Variants in TTC28 observed in about 807,000 individuals in gnomAD.
TTC28 encodes the protein tetratricopeptide repeat domain 28.
In TTC28, 61 loss-of-function variants were observed where a neutral mutation model predicts 198.0. The observed-to-expected ratio is 0.31, with a 90% CI of 0.25 to 0.38. TTC28 has a LOEUF of 0.38. Ranked by LOEUF, TTC28 falls within the 10% of genes least tolerant of loss-of-function variation. TTC28 has a pLI of 1.00. For synonymous variants in TTC28, 1,171 were observed against 1,297.8 expected, an observed-to-expected ratio of 0.90 and a Z score of 2.10; for missense variants, 2,678 against 3,164.0, an observed-to-expected ratio of 0.85 and a Z score of 3.69.
chr22:28,024,021 T>TAA (rs1302035387), intron 13 of TTC28, among the ~76,000 whole-genome samples: 1 of 152,140 alleles, frequency 6.6e-6, no homozygotes, highest in African/African-American at 2.4e-5. Flanking sequence ...TTGTTATAGT[T>TAA]ACTTAATTCC....
chr22:28,069,252 G>T (rs532423718), intron 12 of TTC28, among the ~76,000 whole-genome samples: 4 of 152,176 alleles, frequency 2.6e-5, no homozygotes, highest in Admixed American at 1.3e-4. Context: ...TTGTATTCTA[G>T]TTCCATCATT....
intron 3 of TTC28, among the ~76,000 whole-genome samples, chr22:28,303,056 C>A (rs578031147): frequency 2.0e-4 from 31 of 152,318 alleles, no homozygotes; most frequent in African/African-American, 7.5e-4. Context: ...AACAACACAA[C>A]AGGTGATAGA....
At chr22:28,357,383 A>C (rs949451055) in intron 2 of TTC28, among the ~76,000 whole-genome samples, 4 of 140,496 alleles carry the variant, frequency 2.8e-5, no homozygotes, top group Admixed American at 7.7e-5. Context: ...TGGTGCAATC[A>C]TAGCTCACTG....
At chr22:28,627,489 T>C (rs965342505) in intron 2 of TTC28, among the ~76,000 whole-genome samples, 19 of 151,284 alleles carry the variant, frequency 1.3e-4, no homozygotes, top group Admixed American at 1.1e-3. Context: ...TGGAGTGCAG[T>C]GGTGCGATCT....
At chr22:28,564,449 T>C (rs1188562716) in intron 2 of TTC28, among the ~76,000 whole-genome samples, 1 of 152,184 alleles carries the variant, frequency 6.6e-6, no homozygotes, top group Non-Finnish European at 1.5e-5. Flanking sequence ...ATTCAGACTT[T>C]TGTTTTATTT....
At chr22:28,390,667 C>T (rs970836845) in intron 2 of TTC28, among the ~76,000 whole-genome samples, 1 of 152,024 alleles carries the variant, frequency 6.6e-6, no homozygotes, top group Non-Finnish European at 1.5e-5. Context: ...GATTACAACC[C>T]CTGCCTTTTT....
intron 1 of TTC28, among the ~76,000 whole-genome samples, chr22:28,679,310 G>A (rs2052052722): frequency 6.6e-6 from 1 of 152,212 alleles, no homozygotes; most frequent in Non-Finnish European, 1.5e-5. Context: ...CACGGGGGCT[G>A]GGGGAAAAGG....
At chr22:27,993,049 G>A (rs1937474160) in intron 18 of TTC28, 3 of 577,486 alleles carry the variant, frequency 5.2e-6, no homozygotes, top group Non-Finnish European at 9.1e-6. Flanking sequence ...TCCCGGGAAG[G>A]GGCAGCGCCA....
At chr22:28,482,633 A>G (rs1338706480) in intron 2 of TTC28, among the ~76,000 whole-genome samples, 3 of 152,310 alleles carry the variant, frequency 2.0e-5, no homozygotes, top group Admixed American at 1.3e-4. Flanking sequence ...CAGTTAGTAC[A>G]CTGTGCAATG....
At chr22:28,215,247 G>A (rs533869175) in intron 5 of TTC28, among the ~76,000 whole-genome samples, 20 of 152,192 alleles carry the variant, frequency 1.3e-4, no homozygotes, top group Admixed American at 3.3e-4. Context: ...AAACCTGCAC[G>A]TTGTGCACAT....
At chr22:28,436,372 C>T (rs2047519922) in intron 2 of TTC28, among the ~76,000 whole-genome samples, 1 of 152,196 alleles carries the variant, frequency 6.6e-6, no homozygotes, top group Non-Finnish European at 1.5e-5. Context: ...GACAGACATA[C>T]TGACAGCTTC....
intron 2 of TTC28, among the ~76,000 whole-genome samples, chr22:28,314,391 A>G (rs1455583320): frequency 6.6e-6 from 1 of 152,244 alleles, no homozygotes; most frequent in East Asian, 1.9e-4. Context: ...ACCAAAAAAG[A>G]GCCCACATAG....
intron 5 of TTC28, among the ~76,000 whole-genome samples, chr22:28,260,830 C>T (rs13058473): frequency 0.025 from 3,794 of 152,246 alleles, 75 homozygotes; most frequent in Non-Finnish European, 0.039. Context: ...AGCCAGAGGG[C>T]TGCCCTTGTC....
chr22:28,453,979 C>G (rs1339497753), intron 2 of TTC28, among the ~76,000 whole-genome samples: 2 of 152,218 alleles, frequency 1.3e-5, no homozygotes, highest in African/African-American at 4.8e-5. Flanking sequence ...CTTAACTGTG[C>G]TGCAGCTATA....
At chr22:28,153,165 TTTCTTAAACCCTTG>T in intron 6 of TTC28, among the ~76,000 whole-genome samples, 2 of 151,966 alleles carry the variant, frequency 1.3e-5, no homozygotes, top group Non-Finnish European at 2.9e-5. Flanking sequence ...TTAAGTAATA[TTTCTTAAACCCTTG>T]ACTTAGAACA....
chr22:28,159,574 G>T (rs908959123), intron 6 of TTC28, among the ~76,000 whole-genome samples: 2 of 151,310 alleles, frequency 1.3e-5, no homozygotes, highest in African/African-American at 4.9e-5. Context: ...CAGGAAAATC[G>T]CTGGAACCCA....
chr22:28,051,352 G>A (rs1352872280), intron 12 of TTC28, among the ~76,000 whole-genome samples: 5 of 152,150 alleles, frequency 3.3e-5, no homozygotes, highest in Admixed American at 3.3e-4. Context: ...CTGTTTGCCT[G>A]CAGTATTTGT....
intron 5 of TTC28, among the ~76,000 whole-genome samples, chr22:28,195,820 C>A (rs1310373905): frequency 2.7e-5 from 4 of 147,808 alleles, no homozygotes; most frequent in Non-Finnish European, 4.5e-5. Flanking sequence ...TTCCATGCTC[C>A]GGGATAGGAA....
intron 6 of TTC28, among the ~76,000 whole-genome samples, chr22:28,109,436 A>G (rs1942421266): frequency 6.6e-6 from 1 of 152,242 alleles, no homozygotes; most frequent in Admixed American, 6.5e-5. Flanking sequence ...ATACAAAAAC[A>G]AAAATAGTTG....
Sources: gnomAD v4.1 joint callset for allele counts (sites outside exome capture counted in the v4.1 genomes callset) on GRCh38, gnomAD v4.1.1 for gene constraint, MANE v1.5 for transcripts, NCBI Gene and HGNC (gene_info 2026-07-23, HGNC 2026-07-21) for gene names.